ARG1: variants seen among roughly 807,000 people sequenced by gnomAD.
ARG1 encodes the protein arginase 1.
Under a neutral mutation model 33.0 loss-of-function variants are expected in ARG1, and 20 were observed. The ratio of observed to expected loss-of-function variants is 0.61; its 90% CI spans 0.43 to 0.88. The LOEUF is 0.88. Among genes scored for constraint, ARG1 ranks in the 40% least tolerant of loss-of-function variants. ARG1 has a pLI of 0.00. For synonymous variants in ARG1, 146 were observed against 140.6 expected, an observed-to-expected ratio of 1.04 and a Z score of -0.27; for missense variants, 374 against 384.7, an observed-to-expected ratio of 0.97 and a Z score of 0.23.
chr6:131,583,640 T>C (rs1264515526), intron 7 of ARG1, 102 bp from the exon 8 acceptor site: 1 of 1,520,432 alleles, frequency 6.6e-7, no homozygotes, highest in Non-Finnish European at 9.0e-7. Context: ...TTCCATCGGT[T>C]ACTACCTTTT....
chr6:131,575,366 T>C (rs1426459402), intron 1 of ARG1, among the ~76,000 whole-genome samples: 1 of 151,886 alleles, frequency 6.6e-6, no homozygotes, highest in Non-Finnish European at 1.5e-5. Context: ...GACACAAAAC[T>C]AAAGGCAAAA....
chr6:131,579,803 T>C (rs1462696278), intron 3 of ARG1: 1 of 162,108 alleles, frequency 6.2e-6, no homozygotes, highest in Non-Finnish European at 1.3e-5. Flanking sequence ...ATCTTTTTTT[T>C]CCTTGTACAT....
chr6:131,581,429 T>C (rs759048430), intron 4 of ARG1, 51 bp downstream of exon 4: 1 of 1,555,318 alleles, frequency 6.4e-7, no homozygotes, highest in South Asian at 1.2e-5. Context: ...TTAGTAGACA[T>C]TCAGGAGGTG....
intron 2 of ARG1, 124 bp downstream of exon 2, chr6:131,576,859 C>A: frequency 1.2e-6 from 1 of 814,258 alleles, no homozygotes; most frequent in Non-Finnish European, 2.1e-6. Context: ...TGGTTACAAC[C>A]CGAGAAACAC....
At position 131,582,657 on chromosome 6, in the gene ARG1, T is replaced by C; in HGVS notation, c.502T>C (p.Cys168Arg). 4 of 1,613,936 alleles carry C rather than the reference T, an allele frequency of 2.5e-6. No individual in the cohort carries two copies. Among genetic ancestry groups the C allele is most frequent in the Non-Finnish European group, 3.4e-6 (4 of 1,179,840 alleles). ...DVPGFSWVTP[C>R]ISAKDIVYIG... The stretch of plus-strand genomic sequence containing the variant: ...GCCAGGATTCTCCTGGGTGACTCCC[T>C]GTATATCTGCCAAGGATATTGTGTA... Residue 168 changes from cysteine (C) to arginine (R), a missense_variant, in exon 5 of 8, where the codon TGT becomes CGT. Cys to Arg is a radical substitution (Grantham distance 180, BLOSUM62 -3). Coordinates refer to ENST00000368087, the MANE Select transcript of ARG1 (RefSeq NM_000045.4).
intron 7 of ARG1, 30 bp from the exon 8 acceptor site, chr6:131,583,712 A>T: frequency 3.1e-6 from 5 of 1,605,692 alleles, no homozygotes; most frequent in Non-Finnish European, 4.3e-6. Flanking sequence ...ACTATTTTAT[A>T]AATTACATTA....
At chr6:131,574,036 T>A in intron 1 of ARG1, 1 of 528,822 alleles carries the variant, frequency 1.9e-6, no homozygotes, top group Non-Finnish European at 3.4e-6. Context: ...GAGCTGTGAA[T>A]CCACACATGC....
chr6:131,573,265 A>G lies in ARG1; in HGVS notation c.-18A>G. 3 of 1,614,056 alleles carry G rather than the reference A, an allele frequency of 1.9e-6. No homozygotes were observed. The highest frequency in any genetic ancestry group is 2.5e-6 in the Non-Finnish European group (3 of 1,179,932). ...ACTGACTGGAGAGCTCAAGTGCAGC[A>G]AAGAGAAGTGTCAGAGCATGAGCGC... is the stretch of plus-strand genomic sequence containing the variant. On this transcript the variant is annotated 5_prime_UTR_variant, in exon 1 of 8. Coordinates refer to ENST00000368087, the MANE Select transcript of ARG1 (RefSeq NM_000045.4).
At chr6:131,580,003 C>T (rs1472529039) in intron 3 of ARG1, among the ~76,000 whole-genome samples, 1 of 152,152 alleles carries the variant, frequency 6.6e-6, no homozygotes, top group East Asian at 1.9e-4. Flanking sequence ...GGTTACATCG[C>T]TATATACGTA....
chr6:131,581,160 T>G, intron 3 of ARG1, 59 bp from the exon 4 acceptor site: 1 of 1,545,732 alleles, frequency 6.5e-7, no homozygotes, highest in Non-Finnish European at 8.9e-7. Context: ...GAGTGAATAA[T>G]ATGATGTATG....
At chr6:131,574,050 C>A (rs1178735209) in intron 1 of ARG1, 3 of 557,716 alleles carry the variant, frequency 5.4e-6, no homozygotes, top group African/African-American at 3.8e-5. Context: ...CACATGCCAG[C>A]AACATTGAAT....
chr6:131,578,909 C>A (rs773454478), intron 2 of ARG1, among the ~76,000 whole-genome samples: 7 of 152,080 alleles, frequency 4.6e-5, no homozygotes, highest in Non-Finnish European at 1.0e-4. Flanking sequence ...CAGTATACAG[C>A]CGCACCAGTG....
intron 6 of ARG1, 70 bp from the exon 7 acceptor site, chr6:131,583,285 T>C (rs1774032477): frequency 1.9e-6 from 3 of 1,609,810 alleles, no homozygotes; most frequent in Non-Finnish European, 2.5e-6. Context: ...TAAAACAAGT[T>C]AACAGATTAT....
chr6:131,574,150 A>G, intron 1 of ARG1: 1 of 1,009,318 alleles, frequency 9.9e-7, no homozygotes, highest in Non-Finnish European at 1.6e-6. Flanking sequence ...CTGTGCTTAA[A>G]GAGGATAAAA....
At position 131,581,227 on chromosome 6, in the gene ARG1, T is replaced by A. The variant is rs762306280; in HGVS notation, c.314T>A (p.Ile105Asn). 3 of 1,613,838 alleles carry A rather than the reference T, an allele frequency of 1.9e-6. No homozygotes were observed. The Admixed American group carries it at 5.0e-5, about 27-fold the overall frequency. ...AATTTTTTCCCCAAAAGTTTGGCAA[T>A]TGGAAGCATCTCTGGCCATGCCAGG... ...LVLGGDHSLA[I>N]GSISGHARVH... The change falls in exon 4 of 8, where the codon ATT (isoleucine) becomes AAT (asparagine). Residue 105 changes from isoleucine to asparagine, a missense_variant. Physicochemically the swap from Ile to Asn is moderately radical, Grantham distance 149. Transcript: ENST00000368087.
intron 3 of ARG1, chr6:131,579,566 A>G: frequency 3.2e-6 from 1 of 310,100 alleles, no homozygotes; most frequent in Non-Finnish European, 6.1e-6. Context: ...ACATTTCTAA[A>G]TAAGTATGTG....
intron 3 of ARG1, chr6:131,579,576 G>A (rs1773811317): frequency 1.0e-5 from 3 of 285,770 alleles, no homozygotes; most frequent in African/African-American, 4.4e-5. Context: ...ATAAGTATGT[G>A]AGGCAATTCA....
rs1380298803 is a variant in ARG1 at position 131,579,281 on chromosome 6, C to A, written c.301C>A (p.His101Asn). The change falls in exon 3 of 8, where the codon CAC becomes AAC. Residue 101 changes from histidine (H) to asparagine (N), a missense_variant. Coordinates refer to ENST00000368087, the MANE Select transcript of ARG1 (RefSeq NM_000045.4). ...GRISLVLGGD[H>N]SLAIGSISGH... ...AATCAGCCTGGTGCTGGGCGGAGAC[C>A]ACAGGTCTTGTTGAATAACTGTGTC... The A allele has an allele frequency of 6.2e-7, 1 of 1,613,832 alleles. No individual in the cohort carries two copies. The highest frequency in any genetic ancestry group is 8.5e-7 in the Non-Finnish European group (1 of 1,179,944).
At chr6:131,583,020 A>C in intron 5 of ARG1, 40 bp from the exon 6 acceptor site, 1 of 1,428,416 alleles carries the variant, frequency 7.0e-7, no homozygotes, top group Non-Finnish European at 9.8e-7. Flanking sequence ...GGGCACAGTC[A>C]GCCTTATTAA....
Sources: allele counts gnomAD v4.1 joint callset (sites outside exome capture counted in the v4.1 genomes callset), GRCh38; gene constraint gnomAD v4.1.1; transcripts MANE v1.5; gene names NCBI Gene and HGNC (gene_info 2026-07-23, HGNC 2026-07-21).